DNM3: variants seen among roughly 807,000 people sequenced by gnomAD.
DNM3 encodes the protein dynamin 3, also known as dynamin-3.
Under a neutral mutation model 101.6 loss-of-function variants are expected in DNM3, and 47 were observed. That is an observed-to-expected ratio of 0.46 (90% CI 0.37 to 0.59). DNM3 has a LOEUF of 0.59. Ranked by LOEUF, DNM3 falls within the 20% of genes least tolerant of loss-of-function variation. The probability of loss-of-function intolerance (pLI) is 0.00; values close to 1 mark genes in which losing one functional copy is unlikely to be tolerated. For missense variants in DNM3, 849 were observed against 1,085.7 expected (o/e 0.78, Z 3.06); for synonymous variants, 385 against 387.9 (o/e 0.99, Z 0.09).
intron 13 of DNM3, among the ~76,000 whole-genome samples, chr1:172,098,985 T>C (rs2054446383): frequency 6.6e-6 from 1 of 152,210 alleles, no homozygotes; most frequent in African/African-American, 2.4e-5. Context: ...TCTCTTGGCC[T>C]TGTAAATTGC....
At chr1:172,240,553 A>G (rs2148647773) in intron 14 of DNM3, among the ~76,000 whole-genome samples, 2 of 152,328 alleles carry the variant, frequency 1.3e-5, no homozygotes, top group East Asian at 1.9e-4. Context: ...AACATATGGT[A>G]TATTTAGCCA....
At chr1:172,309,974 A>G (rs1423723330) in intron 16 of DNM3, 1 of 152,240 alleles carries the variant, frequency 6.6e-6, no homozygotes, top group African/African-American at 2.4e-5. Flanking sequence ...ACCTAAAACA[A>G]TGAACCTCCC....
intron 4 of DNM3, among the ~76,000 whole-genome samples, chr1:172,016,353 G>A (rs1489818291): frequency 6.6e-6 from 1 of 151,892 alleles, no homozygotes; most frequent in Non-Finnish European, 1.5e-5. Flanking sequence ...ATCTTTTTAA[G>A]TTTTTCTACA....
intron 9 of DNM3, among the ~76,000 whole-genome samples, chr1:172,045,172 TG>T (rs2049693619): frequency 7.4e-6 from 1 of 135,648 alleles, no homozygotes; most frequent in African/African-American, 2.7e-5. Context: ...TGGGTGGGGT[TG>T]GGGGTGGGGT....
At chr1:172,256,296 G>C (rs1273422839) in intron 15 of DNM3, among the ~76,000 whole-genome samples, 1 of 146,558 alleles carries the variant, frequency 6.8e-6, no homozygotes, top group Non-Finnish European at 1.6e-5. Context: ...TTAGCTGACT[G>C]TTTGGTGGAA....
At chr1:172,278,748 CT>C (rs2148776439) in intron 15 of DNM3, among the ~76,000 whole-genome samples, 1 of 152,282 alleles carries the variant, frequency 6.6e-6, no homozygotes, top group Non-Finnish European at 1.5e-5. Flanking sequence ...GTACCATTTA[CT>C]TCACTGCCTC....
At position 171,926,321 on chromosome 1, in the gene DNM3, C is replaced by T. The variant is rs769122210; in HGVS notation, c.235+4500C>T. On this transcript the variant is annotated intron_variant, in intron 2 of 20. Transcript: ENST00000627582. ...GCTTTGGGCAGTATAGTCATTTTAA[C>T]CATATTGATTCTTCCAATCCATGAG... Among the ~76,000 whole-genome samples, 4 of 152,252 alleles carry T rather than the reference C, an allele frequency of 2.6e-5. 1 individual carries two copies. Among genetic ancestry groups the T allele is most frequent in the Middle Eastern group, 3.4e-3 (1 of 294 alleles).
chr1:172,006,146 T>C (rs1032332787), intron 4 of DNM3, among the ~76,000 whole-genome samples: 1 of 152,036 alleles, frequency 6.6e-6, no homozygotes, highest in Non-Finnish European at 1.5e-5. Context: ...CAGTCCCAAG[T>C]CCACAGCAGT....
intron 6 of DNM3, among the ~76,000 whole-genome samples, chr1:172,036,616 C>A (rs1048813353): frequency 5.3e-5 from 8 of 152,090 alleles, no homozygotes; most frequent in Non-Finnish European, 7.3e-5. Flanking sequence ...AACTGGATCC[C>A]TTCCTTACAC....
chr1:172,334,516 A>G (rs2066333310), intron 17 of DNM3, among the ~76,000 whole-genome samples: 1 of 152,158 alleles, frequency 6.6e-6, no homozygotes, highest in South Asian at 2.1e-4. Flanking sequence ...TCTCACTTAA[A>G]ATAAGTATAC....
intron 14 of DNM3, among the ~76,000 whole-genome samples, chr1:172,152,819 C>T (rs1204333442): frequency 6.6e-6 from 1 of 152,018 alleles, no homozygotes. Context: ...TTTAGAAGGG[C>T]CATGTTAAAA....
chr1:172,225,524 AT>A (rs1309693229), intron 14 of DNM3, among the ~76,000 whole-genome samples: 2 of 151,956 alleles, frequency 1.3e-5, no homozygotes, highest in African/African-American at 4.8e-5. Context: ...TTCTATCAAT[AT>A]TTTGATAGCT....
intron 15 of DNM3, among the ~76,000 whole-genome samples, chr1:172,283,373 C>T (rs2063561308): frequency 6.6e-6 from 1 of 152,102 alleles, no homozygotes; most frequent in African/African-American, 2.4e-5. Flanking sequence ...GGGCACAAGA[C>T]AGCAGTTACC....
At chr1:172,211,314 G>A (rs1001739378) in intron 14 of DNM3, among the ~76,000 whole-genome samples, 11 of 152,040 alleles carry the variant, frequency 7.2e-5, no homozygotes, top group Admixed American at 2.0e-4. Flanking sequence ...ACAAAATCCA[G>A]CTGAAACTGA....
intron 2 of DNM3, among the ~76,000 whole-genome samples, chr1:171,968,138 A>G (rs1407848580): frequency 6.6e-6 from 1 of 152,212 alleles, no homozygotes; most frequent in Non-Finnish European, 1.5e-5. Context: ...CTTTGAATGT[A>G]TACATGTGCT....
chr1:172,013,154 T>C (rs1236638231), intron 4 of DNM3, among the ~76,000 whole-genome samples: 1 of 152,072 alleles, frequency 6.6e-6, no homozygotes, highest in Non-Finnish European at 1.5e-5. Flanking sequence ...GTGTACGCAG[T>C]GTTCCAGATT....
intron 14 of DNM3, among the ~76,000 whole-genome samples, chr1:172,190,151 C>A (rs1486848499): frequency 4.0e-5 from 6 of 151,866 alleles, no homozygotes; most frequent in African/African-American, 1.5e-4. Flanking sequence ...CTAATGCTAT[C>A]CCTCCCTTTT....
chr1:172,360,438 T>A (rs2067681162), intron 17 of DNM3, among the ~76,000 whole-genome samples: 2 of 152,060 alleles, frequency 1.3e-5, no homozygotes, highest in Admixed American at 1.3e-4. Context: ...TATCCTACTA[T>A]TTTTATATAG....
intron 15 of DNM3, among the ~76,000 whole-genome samples, chr1:172,254,479 G>A (rs1472055817): frequency 6.6e-6 from 1 of 152,114 alleles, no homozygotes; most frequent in Non-Finnish European, 1.5e-5. Flanking sequence ...TACATTCATT[G>A]TCATTGGTTT....
Sources: allele counts gnomAD v4.1 joint callset (sites outside exome capture counted in the v4.1 genomes callset), GRCh38; gene constraint gnomAD v4.1.1; transcripts MANE v1.5; gene names NCBI Gene and HGNC (gene_info 2026-07-23, HGNC 2026-07-21).